Variants in CERK observed in about 807,000 individuals in gnomAD.
CERK encodes acylsphingosine kinase.
In CERK, 39 loss-of-function variants were observed where a neutral mutation model predicts 63.4. That is an observed-to-expected ratio of 0.61 (90% confidence interval 0.48 to 0.80). The LOEUF is 0.80. Among genes scored for constraint, CERK ranks in the 30% least tolerant of loss-of-function variants. CERK has a pLI of 0.00. For missense variants in CERK, 670 were observed against 714.1 expected (o/e 0.94, Z 0.70); for synonymous variants, 302 against 280.0 (o/e 1.08, Z -0.78).
chr22:46,721,433 TA>T (rs66534567), intron 1 of CERK, among the ~76,000 whole-genome samples: 9,202 of 151,970 alleles, frequency 0.061, 895 homozygotes, highest in African/African-American at 0.21. Flanking sequence ...GCTTTTTTAA[TA>T]CCCCCTCCCC....
intron 1 of CERK, among the ~76,000 whole-genome samples, chr22:46,735,858 T>C (rs757536114): frequency 4.4e-4 from 67 of 152,364 alleles, no homozygotes; most frequent in Non-Finnish European, 6.6e-4. Context: ...CTGATTCCTT[T>C]TGGGGACTGT....
intron 6 of CERK, among the ~76,000 whole-genome samples, chr22:46,706,463 G>C (rs1466843464): frequency 6.6e-6 from 1 of 152,106 alleles, no homozygotes; most frequent in Non-Finnish European, 1.5e-5. Context: ...TTATTGGAAG[G>C]GGTGCTGAGA....
At chr22:46,687,398 T>C (rs543064926) in intron 12 of CERK, among the ~76,000 whole-genome samples, 192 bp from the exon 13 acceptor site, 126 of 152,286 alleles carry the variant, frequency 8.3e-4, no homozygotes, top group African/African-American at 2.8e-3. Flanking sequence ...CACCGTGGGC[T>C]GTAGGAGTCC....
chr22:46,709,488 C>T (rs981754745), intron 5 of CERK, among the ~76,000 whole-genome samples: 2 of 152,164 alleles, frequency 1.3e-5, no homozygotes, highest in African/African-American at 4.8e-5. Flanking sequence ...AGAACACTCC[C>T]GCATTAGGAG....
chr22:46,725,764 C>T (rs1341840681), intron 1 of CERK, among the ~76,000 whole-genome samples: 2 of 152,204 alleles, frequency 1.3e-5, no homozygotes, highest in Non-Finnish European at 2.9e-5. Context: ...TGAGGCTGGC[C>T]TCCTGGTTCT....
Position 46,690,197 on chromosome 22 carries a change from C to T in CERK, c.1336G>A (p.Asp446Asn), listed in dbSNP as rs1228637854. ...IRHTNQQDQF[D>N]FTFVEVYRVK... ...CGATAAACTTCAACAAAAGTGAAGT[C>T]AAACTACCAAGAAACAGTGAGAGGG... The change falls in exon 12 of 13, where the codon GAC (aspartate) becomes AAC (asparagine). Residue 446 changes from aspartate to asparagine, a missense_variant. Transcript: ENST00000216264. The T allele has an allele frequency of 6.2e-7, 1 of 1,613,590 alleles. No individual in the cohort carries two copies. The highest frequency in any genetic ancestry group is 8.5e-7 in the Non-Finnish European group (1 of 1,179,864).
At chr22:46,699,546 T>C (rs2082773266) in intron 7 of CERK, 81 bp from the exon 8 acceptor site, 1 of 1,335,458 alleles carries the variant, frequency 7.5e-7, no homozygotes. Flanking sequence ...AATAGCACTT[T>C]GCAAACGTGG....
intron 1 of CERK, among the ~76,000 whole-genome samples, chr22:46,730,934 C>G (rs1601731719): frequency 6.6e-6 from 1 of 152,238 alleles, no homozygotes; most frequent in East Asian, 1.9e-4. Flanking sequence ...CTTTGCAAGA[C>G]AGAAAACTTT....
At chr22:46,737,253 T>C (rs2082978212) in intron 1 of CERK, among the ~76,000 whole-genome samples, 1 of 150,148 alleles carries the variant, frequency 6.7e-6, no homozygotes, top group Admixed American at 6.6e-5. Context: ...GATCGTGGCA[T>C]TGAACTCCAG....
chr22:46,713,301 G>T (rs1048188193), intron 3 of CERK, among the ~76,000 whole-genome samples: 6 of 151,126 alleles, frequency 4.0e-5, no homozygotes, highest in African/African-American at 1.5e-4. Context: ...TCAGGAGATC[G>T]GGACCATCCT....
chr22:46,734,974 C>T (rs548441732), intron 1 of CERK, among the ~76,000 whole-genome samples: 1 of 152,226 alleles, frequency 6.6e-6, no homozygotes, highest in East Asian at 1.9e-4. Context: ...ACCTGCCCAA[C>T]GAGTTCACCA....
In CERK at chr22:46,691,034, TAC is replaced by T. The variant is rs200466142; in HGVS notation, c.1332+536_1332+537del. On this transcript the variant is annotated intron_variant, in intron 11 of 12. Transcript: ENST00000216264. ...ATACACATATATGTATATATACACATACACACACATGTATACATACATACACA... is the reference window on the plus strand; with the variant it reads ...ATACACATATATGTATATATACACATACACACATGTATACATACATACACA... Among the ~76,000 whole-genome samples, 256 of 139,594 alleles carry T rather than the reference TAC, an allele frequency of 1.8e-3. 1 individual carries two copies. Among genetic ancestry groups the T allele is most frequent in the Middle Eastern group, 0.015 (4 of 270 alleles). 91.6% of individuals were successfully genotyped at this position (139,594 alleles called of 152,430 possible). A position where few individuals can be genotyped will look rare whatever the true frequency, so the allele number is the denominator to read the frequency against.
chr22:46,734,118 T>C lies in CERK; in HGVS notation c.142+3889A>G, dbSNP rs59053451. ...TTCCTATAATCCAGCTTTCTACTCT[T>C]AAATATGCACCCAAGAGGAGCAAAA... On this transcript the variant is annotated intron_variant, in intron 1 of 12. Coordinates refer to ENST00000216264, the MANE Select transcript of CERK (RefSeq NM_022766.6). Among the ~76,000 whole-genome samples the C allele has an allele frequency of 7.1e-3, 1,082 of 151,466 alleles. 16 individuals are homozygous for C. The highest frequency in any genetic ancestry group is 0.025 in the African/African-American group (1,024 of 41,296).
Position 46,711,087 on chromosome 22 carries a change from C to G in CERK, c.568G>C (p.Gly190Arg), listed in dbSNP as rs535097139. The change falls in exon 5 of 13, where the codon GGC (glycine) becomes CGC (arginine). Residue 190 changes from glycine to arginine, a missense_variant and splice_region_variant. Coordinates refer to ENST00000216264, the MANE Select transcript of CERK (RefSeq NM_022766.6). ...GGCGATGAAAGACGGCTTACTCACC[C>G]GTCGTATTTGTCTATGTTAATCTCA... ...LYEINIDKYD[G>R]IVCVGGDGMF... The G allele has an allele frequency of 6.2e-7, 1 of 1,612,028 alleles. No individual in the cohort carries two copies. Among genetic ancestry groups the G allele is most frequent in the Admixed American group, 1.7e-5 (1 of 59,904 alleles).
chr22:46,702,293 A>C (rs1385578423), intron 6 of CERK, among the ~76,000 whole-genome samples: 1 of 91,132 alleles, frequency 1.1e-5, no homozygotes, highest in Non-Finnish European at 2.0e-5. Context: ...AGGCATAACA[A>C]AATTTTTTTT....
chr22:46,727,120 G>C (rs1323870509), intron 1 of CERK, among the ~76,000 whole-genome samples: 1 of 152,198 alleles, frequency 6.6e-6, no homozygotes, highest in Non-Finnish European at 1.5e-5. Context: ...CTGAGCCGTG[G>C]TTTTTCTGAC....
Position 46,693,413 on chromosome 22 carries a change from G to GT in CERK, c.1126+13dup, listed in dbSNP as rs752932445. 7 of 1,612,186 alleles carry GT rather than the reference G, an allele frequency of 4.3e-6. No homozygotes were observed. The South Asian group carries it at 7.7e-5, about 18-fold the overall frequency. ...CACACAGTGACAACACTGAGCCTGT[G>GT]TTTTAGGAATTACCCGCAGCTTCCA... On this transcript the variant is annotated intron_variant, in intron 10 of 12. Transcript: ENST00000216264.
chr22:46,696,843 G>C (rs373144650), intron 8 of CERK, among the ~76,000 whole-genome samples: 10 of 152,262 alleles, frequency 6.6e-5, no homozygotes, highest in Admixed American at 1.3e-4. Context: ...AGGGCAAAGG[G>C]GGGGGCCAGG....
rs1057376327 is a variant in CERK at position 46,701,478 on chromosome 22, G to C, written c.790+158C>G. 1.3e-5 allele frequency among the ~76,000 whole-genome samples: 2 copies of C among 152,400 alleles called. 1 individual carries two copies. The highest frequency in any genetic ancestry group is 4.8e-5 in the African/African-American group (2 of 41,602). ...TGGCCTCGGAGCTGCGTGCTGAGTGGGATCACAGCGCAGCGAGCAGAGCAG... is the reference window on the plus strand; with the variant it reads ...TGGCCTCGGAGCTGCGTGCTGAGTGCGATCACAGCGCAGCGAGCAGAGCAG... On this transcript the variant is annotated intron_variant, in intron 7 of 12. Transcript: ENST00000216264.
Sources: allele counts gnomAD v4.1 joint callset (sites outside exome capture counted in the v4.1 genomes callset), GRCh38; gene constraint gnomAD v4.1.1; transcripts MANE v1.5; gene names NCBI Gene and HGNC (gene_info 2026-07-23, HGNC 2026-07-21).